MRPL46: variants seen among roughly 807,000 people sequenced by gnomAD.
The protein encoded by MRPL46 is mitochondrial ribosomal protein L46.
Under a neutral mutation model 31.0 loss-of-function variants are expected in MRPL46, and 26 were observed. That is an observed-to-expected ratio of 0.84 (90% confidence interval 0.61 to 1.16). MRPL46 has a LOEUF of 1.16. Ranked by LOEUF, MRPL46 falls within the 50% of genes most tolerant of loss-of-function variation. The pLI is 0.00. For missense variants in MRPL46, 395 were observed against 340.0 expected (o/e 1.16, Z -1.27); for synonymous variants, 159 against 141.3 (o/e 1.13, Z -0.89).
intron 2 of MRPL46, 78 bp downstream of exon 2, chr15:88,465,509 G>C: frequency 7.2e-7 from 1 of 1,387,006 alleles, no homozygotes; most frequent in Non-Finnish European, 9.7e-7. Context: ...ACAAAGCAGG[G>C]GCCAAGCAAC....
chr15:88,465,812 G>A (rs758878933), intron 1 of MRPL46, 39 bp from the exon 2 acceptor site: 5 of 1,500,038 alleles, frequency 3.3e-6, no homozygotes, highest in East Asian at 4.7e-5. Flanking sequence ...CCTTAATCTG[G>A]CAAAATTAAA....
chr15:88,466,136 G>T (rs1486929509), intron 1 of MRPL46, among the ~76,000 whole-genome samples: 2 of 152,150 alleles, frequency 1.3e-5, no homozygotes, highest in African/African-American at 2.4e-5. Context: ...CTTTCAAGAG[G>T]TTGTTCCTTC....
At chr15:88,467,004 G>A (rs1243290953) in intron 1 of MRPL46, 146 bp downstream of exon 1, 1 of 877,198 alleles carries the variant, frequency 1.1e-6, no homozygotes. Context: ...ACCACTTTTT[G>A]TTGAACATCT....
chr15:88,465,386 G>A (rs1013242659), intron 2 of MRPL46: 1 of 496,982 alleles, frequency 2.0e-6, no homozygotes, highest in African/African-American at 2.0e-5. Context: ...TGAGAGAAAA[G>A]GCTATTCCAA....
chr15:88,464,926 C>G (rs530481989), intron 2 of MRPL46, 50 bp from the exon 3 acceptor site: 2 of 1,562,888 alleles, frequency 1.3e-6, no homozygotes, highest in African/African-American at 2.8e-5. Flanking sequence ...TCTGCCAGAA[C>G]CAAGAAACCT....
In MRPL46 at chr15:88,459,761, A is replaced by T; in HGVS notation, c.692T>A (p.Val231Glu). 1 of 1,614,232 alleles carries T rather than the reference A, an allele frequency of 6.2e-7. No individual in the cohort carries two copies. Among genetic ancestry groups the T allele is most frequent in the Non-Finnish European group, 8.5e-7 (1 of 1,180,044 alleles). Residue 231 changes from valine to glutamate, a missense_variant, in exon 4 of 4, where the codon GTG becomes GAG. Val to Glu is a moderately radical substitution (Grantham distance 121). Transcript: ENST00000312475. ...TAATAGCAGTGCTTTGAAGAAGAACACCTTGGCTCCGAGGTTACTCTCTGT... is the reference window on the plus strand; with the variant it reads ...TAATAGCAGTGCTTTGAAGAAGAACTCCTTGGCTCCGAGGTTACTCTCTGT... ...MRTESNLGAK[V>E]FFFKALLLTG... is the part of the protein sequence containing the mutation.
Position 88,467,146 on chromosome 15 carries a change from C to G in MRPL46, c.228+4G>C. The G allele has an allele frequency of 1.2e-6, 2 of 1,612,980 alleles. No individual in the cohort carries two copies. Among genetic ancestry groups the G allele is most frequent in the Non-Finnish European group, 1.7e-6 (2 of 1,179,044 alleles). On this transcript the variant is annotated splice_donor_region_variant and intron_variant, in intron 1 of 3. Transcript: ENST00000312475. ...TCACTCTGAACCCTGCATCTCAGTC[C>G]CACCTGCTGCAGTAGAGACGCCATC...
Position 88,465,675 on chromosome 15 carries a change from T to C in MRPL46, c.327A>G (p.Glu109=). The C allele has an allele frequency of 6.2e-7, 1 of 1,613,940 alleles. No homozygotes were observed. ...GCGCCAGCAATATATCCTGTTCATC[T>C]TCTTCATCATGAAGGTCAGCTTTCT... ...AKKKADLHDE[E]DEQDILLAQD... is the part of the protein sequence containing the mutation. Residue 109 remains glutamate (E), a synonymous_variant, in exon 2 of 4, where the codon GAA becomes GAG. Transcript: ENST00000312475.
intron 3 of MRPL46, chr15:88,461,006 G>A (rs1245548651): frequency 1.3e-5 from 2 of 152,142 alleles, no homozygotes; most frequent in Non-Finnish European, 2.9e-5. Flanking sequence ...CTCCCAAAGT[G>A]CAGGGCATAT....
rs1222444651 is a variant in MRPL46 at position 88,463,162 on chromosome 15, T to G, written c.589+1541A>C. The G allele has an allele frequency of 6.6e-6, 1 of 152,112 alleles. No homozygotes were observed. The highest frequency in any genetic ancestry group is 1.5e-5 in the Non-Finnish European group (1 of 68,050). 9.4% of individuals were successfully genotyped at this position (152,112 alleles called of 1,614,324 possible). A position where few individuals can be genotyped will look rare whatever the true frequency, so the allele number is the denominator to read the frequency against. On this transcript the variant is annotated intron_variant, in intron 3 of 3. Coordinates refer to ENST00000312475, the MANE Select transcript of MRPL46 (RefSeq NM_022163.4). This position sits in a 1 kb window ranked among gnomAD's most constrained non-coding sequence, Gnocchi z 5.4. ...CCTCCTCTCCTACCATATTCCATTC[T>G]GTCTTGATGTCTCTCCTGCAGGCCA...
chr15:88,464,717 A>G lies in MRPL46; in HGVS notation c.575T>C (p.Leu192Pro), dbSNP rs777221535. 6.2e-7 allele frequency: 1 copy of G among 1,613,164 alleles called. No individual in the cohort carries two copies. Among genetic ancestry groups the G allele is most frequent in the South Asian group, 1.1e-5 (1 of 91,044 alleles). ...ETLRGTAERT[L>P]ATLSENNMEA... is the part of the protein sequence containing the mutation. ...AGAAAACCCACCTGAGAGTGTGGCC[A>G]GGGTTCGTTCAGCTGTTCCTCGAAG... Residue 192 changes from leucine (L) to proline (P), a missense_variant, in exon 3 of 4, where the codon CTG (leucine) becomes CCG (proline). By Grantham distance (98) the Leu-to-Pro change is moderately conservative. Coordinates refer to ENST00000312475, the MANE Select transcript of MRPL46 (RefSeq NM_022163.4).
chr15:88,465,966 G>T (rs1454467023), intron 1 of MRPL46, among the ~76,000 whole-genome samples, 193 bp from the exon 2 acceptor site: 1 of 152,202 alleles, frequency 6.6e-6, no homozygotes, highest in Non-Finnish European at 1.5e-5. Flanking sequence ...TGAACTTTGG[G>T]CTTGAGTTAC....
intron 3 of MRPL46, chr15:88,460,099 T>A: frequency 5.6e-6 from 3 of 533,990 alleles, no homozygotes; most frequent in Non-Finnish European, 1.0e-5. Flanking sequence ...AAGCTACTGT[T>A]TTTAGACTGA....
intron 1 of MRPL46, 102 bp downstream of exon 1, chr15:88,467,048 T>C (rs2055546901): frequency 3.1e-6 from 4 of 1,310,316 alleles, no homozygotes; most frequent in Non-Finnish European, 4.3e-6. Flanking sequence ...GTAGGTACCA[T>C]TCTGCGGATA....
chr15:88,460,102 T>TA, intron 3 of MRPL46: 1 of 528,408 alleles, frequency 1.9e-6, no homozygotes, highest in South Asian at 2.3e-5. Context: ...CTACTGTTTT[T>TA]AGACTGAAAG....
chr15:88,467,388 C>T lies in MRPL46; in HGVS notation c.-11G>A, dbSNP rs1422322210. Reference sequence around the variant, plus strand: ...TACGGGCGCCGCCATCTTTCGTTCTCCCACAATGCACCGCGGCTCCCAGGG... The same window carrying T: ...TACGGGCGCCGCCATCTTTCGTTCTTCCACAATGCACCGCGGCTCCCAGGG... On this transcript the variant is annotated 5_prime_UTR_variant, in exon 1 of 4. Coordinates refer to ENST00000312475, the MANE Select transcript of MRPL46 (RefSeq NM_022163.4). 5 of 1,556,528 alleles carry T rather than the reference C, an allele frequency of 3.2e-6. No homozygotes were observed. Among genetic ancestry groups the T allele is most frequent in the East Asian group, 2.4e-5 (1 of 41,228 alleles).
At chr15:88,465,254 CA>C (rs1419519754) in intron 2 of MRPL46, 3 of 420,226 alleles carry the variant, frequency 7.1e-6, no homozygotes, top group South Asian at 9.4e-5. Flanking sequence ...AAACAGAACT[CA>C]ATCTCCCGCT....
At chr15:88,465,941 G>GA (rs759467766) in intron 1 of MRPL46, among the ~76,000 whole-genome samples, 168 bp from the exon 2 acceptor site, 24 of 152,038 alleles carry the variant, frequency 1.6e-4, no homozygotes, top group South Asian at 4.1e-4. Flanking sequence ...GAAATGGAGG[G>GA]AAAAAAAGGT....
Position 88,459,495 on chromosome 15 carries a change from A to G in MRPL46, c.*118T>C, listed in dbSNP as rs2055456211. Reference sequence around the variant, plus strand: ...GACCAACACAGTAATAGACTCGTTTATTTCTCAGAATTTAGTTTGCTGCTT... The same window carrying G: ...GACCAACACAGTAATAGACTCGTTTGTTTCTCAGAATTTAGTTTGCTGCTT... On this transcript the variant is annotated 3_prime_UTR_variant, in exon 4 of 4. Transcript: ENST00000312475. 22 of 1,468,266 alleles carry G rather than the reference A, an allele frequency of 1.5e-5. No individual in the cohort carries two copies. Among genetic ancestry groups the G allele is most frequent in the Non-Finnish European group, 2.0e-5 (22 of 1,079,744 alleles). 91.0% of individuals were successfully genotyped at this position (1,468,266 alleles called of 1,614,324 possible). A position where few individuals can be genotyped will look rare whatever the true frequency, so the allele number is the denominator to read the frequency against.
Sources: allele counts gnomAD v4.1 joint callset (sites outside exome capture counted in the v4.1 genomes callset), GRCh38; gene constraint gnomAD v4.1.1; non-coding constraint Gnocchi (gnomAD v3.1); transcripts MANE v1.5; gene names NCBI Gene and HGNC (gene_info 2026-07-23, HGNC 2026-07-21).